The following XIRP2 variants were observed in gnomAD, a reference collection of about 807,000 sequenced individuals.
XIRP2 encodes the protein xin actin-binding repeat-containing protein 2.
A neutral mutation model predicts 277.0 loss-of-function variants in XIRP2; 236 were observed. That is an observed-to-expected ratio of 0.85 (90% CI 0.77 to 0.95). The LOEUF is 0.95. Among genes scored for constraint, XIRP2 ranks in the 40% least tolerant of loss-of-function variants. The pLI, the probability that XIRP2 is intolerant of heterozygous loss-of-function variation, is 0.00. For synonymous variants in XIRP2, 1,490 were observed against 1,416.5 expected (o/e 1.05, Z -1.17); for missense variants, 4,640 against 4,157.5 (o/e 1.12, Z -3.19).
chr2:166,894,508 A>G (rs1340266822), intron 1 of XIRP2, among the ~76,000 whole-genome samples: 6 of 152,326 alleles, frequency 3.9e-5, no homozygotes, highest in African/African-American at 1.4e-4. Context: ...TCAGGTACCT[A>G]TTAAAAATGC....
Position 167,249,781 on chromosome 2 carries a change from C to T in XIRP2, c.8389C>T (p.Leu2797Phe). The change falls in exon 9 of 11, where the codon CTC becomes TTC. Residue 2797 changes from leucine (L) to phenylalanine (F), a missense_variant. Transcript: ENST00000409195. ...ESIQKNQEDK[L>F]KMVPRKQREF... ...CATACAGAAGAACCAGGAAGATAAG[C>T]TCAAGATGGTTCCCAGGAAGCAAAG... is the stretch of plus-strand genomic sequence containing the variant. 1.2e-6 allele frequency: 2 copies of T among 1,613,346 alleles called. No individual in the cohort carries two copies. The highest frequency in any genetic ancestry group is 1.7e-6 in the Non-Finnish European group (2 of 1,179,734).
chr2:167,155,408 G>A (rs1228477826), intron 3 of XIRP2, among the ~76,000 whole-genome samples: 1 of 151,410 alleles, frequency 6.6e-6, no homozygotes, highest in Non-Finnish European at 1.5e-5. Context: ...ATGATCAAGT[G>A]GGCTTCATCC....
intron 8 of XIRP2, 59 bp from the exon 9 acceptor site, chr2:167,242,510 C>T: frequency 1.3e-6 from 2 of 1,536,340 alleles, no homozygotes; most frequent in Non-Finnish European, 1.8e-6. Context: ...AGGGCAGTGC[C>T]TAGGAAGCCT....
intron 2 of XIRP2, among the ~76,000 whole-genome samples, chr2:166,936,788 C>T (rs911027223): frequency 1.3e-5 from 2 of 152,100 alleles, no homozygotes; most frequent in African/African-American, 2.4e-5. Flanking sequence ...GTTTTGGTAC[C>T]AGTACCATGC....
chr2:166,932,967 C>G (rs899451444), intron 2 of XIRP2, among the ~76,000 whole-genome samples: 1 of 151,996 alleles, frequency 6.6e-6, no homozygotes, highest in African/African-American at 2.4e-5. Flanking sequence ...AATATTAAAA[C>G]CTGGTGAACT....
intron 5 of XIRP2, among the ~76,000 whole-genome samples, chr2:167,225,650 C>T (rs973483926): frequency 1.3e-5 from 2 of 152,068 alleles, no homozygotes; most frequent in Non-Finnish European, 2.9e-5. Flanking sequence ...GTGATCATAG[C>T]AGGGTCTCAG....
intron 2 of XIRP2, among the ~76,000 whole-genome samples, chr2:166,923,612 T>A (rs1348847026): frequency 1.3e-5 from 2 of 152,082 alleles, no homozygotes; most frequent in Admixed American, 6.6e-5. Flanking sequence ...CCTTCAGATA[T>A]GATAAAATCA....
chr2:167,224,732 C>A (rs560759564), intron 5 of XIRP2, among the ~76,000 whole-genome samples: 20 of 152,198 alleles, frequency 1.3e-4, no homozygotes, highest in Admixed American at 1.3e-3. Context: ...AATATTGACC[C>A]TTAAGCCAAG....
At chr2:166,925,599 A>ATAAG (rs1685164728) in intron 2 of XIRP2, among the ~76,000 whole-genome samples, 1 of 63,538 alleles carries the variant, frequency 1.6e-5, no homozygotes, top group Admixed American at 1.4e-4. Context: ...GTATATACAT[A>ATAAG]TATATATATA....
chr2:167,246,712 C>T lies in XIRP2; in HGVS notation c.5320C>T (p.Gln1774Ter), dbSNP rs548350393. The change falls in exon 9 of 11, where the codon CAA (glutamine) becomes TAA (stop). Residue 1774 changes from glutamine (Q) to a stop codon, truncating the protein, a stop_gained. Transcript: ENST00000409195. LOFTEE classifies it high-confidence loss of function. ...ESNETLTAKK[Q>*]EGEKEIIGGD... is the part of the protein sequence containing the mutation. ...AAATGAAACACTGACAGCTAAGAAA[C>T]AAGAAGGAGAGAAAGAAATCATTGG... 6.2e-7 allele frequency: 1 copy of T among 1,613,450 alleles called. No individual in the cohort carries two copies. Among genetic ancestry groups the T allele is most frequent in the Non-Finnish European group, 8.5e-7 (1 of 1,179,800 alleles).
At chr2:166,932,548 G>A (rs1314211507) in intron 2 of XIRP2, among the ~76,000 whole-genome samples, 11 of 152,050 alleles carry the variant, frequency 7.2e-5, no homozygotes, top group Admixed American at 6.6e-4. Flanking sequence ...TTGCTCATCA[G>A]AAGTGTTTTG....
intron 2 of XIRP2, among the ~76,000 whole-genome samples, chr2:167,033,903 G>T (rs981388343): frequency 6.6e-6 from 1 of 152,096 alleles, no homozygotes; most frequent in African/African-American, 2.4e-5. Flanking sequence ...GAAAGAAAAG[G>T]ATGTTAATGG....
At chr2:167,234,506 A>T (rs1694846426) in intron 5 of XIRP2, among the ~76,000 whole-genome samples, 1 of 151,594 alleles carries the variant, frequency 6.6e-6, no homozygotes, top group Admixed American at 6.6e-5. Flanking sequence ...ATGTTCAATA[A>T]CTATTGTTTG....
chr2:166,932,064 G>A (rs1685356064), intron 2 of XIRP2, among the ~76,000 whole-genome samples: 1 of 151,904 alleles, frequency 6.6e-6, no homozygotes, highest in Non-Finnish European at 1.5e-5. Context: ...CTTCTTTTAT[G>A]TATCACTTGT....
At chr2:167,105,449 G>C (rs1012043397) in intron 2 of XIRP2, among the ~76,000 whole-genome samples, 1 of 151,666 alleles carries the variant, frequency 6.6e-6, no homozygotes, top group Admixed American at 6.6e-5. Context: ...ATTCAGCTTG[G>C]GATCCATCTA....
intron 3 of XIRP2, chr2:167,187,370 T>G: frequency 2.0e-6 from 2 of 985,392 alleles, no homozygotes; most frequent in Non-Finnish European, 2.4e-6. Flanking sequence ...ATCTACTTGC[T>G]TGATAGACCC....
intron 4 of XIRP2, 53 bp from the exon 5 acceptor site, chr2:167,218,113 C>A: frequency 6.6e-6 from 9 of 1,370,270 alleles, no homozygotes; most frequent in Non-Finnish European, 7.6e-6. Flanking sequence ...GCTTCAGAAT[C>A]CCATCCTGCA....
chr2:166,942,124 C>A (rs1056352208), intron 2 of XIRP2, among the ~76,000 whole-genome samples: 1 of 152,134 alleles, frequency 6.6e-6, no homozygotes, highest in Non-Finnish European at 1.5e-5. Flanking sequence ...ACCAATATGA[C>A]CACAAAACTG....
intron 3 of XIRP2, among the ~76,000 whole-genome samples, chr2:167,177,979 A>C (rs1692897329): frequency 6.6e-6 from 1 of 151,888 alleles, no homozygotes; most frequent in African/African-American, 2.4e-5. Context: ...GACCGTTAAG[A>C]TTTATAAGAT....
Sources: allele counts gnomAD v4.1 joint callset (sites outside exome capture counted in the v4.1 genomes callset), GRCh38; gene constraint gnomAD v4.1.1; transcripts MANE v1.5; gene names NCBI Gene and HGNC (gene_info 2026-07-23, HGNC 2026-07-21).